The following PHF14 variants were observed in gnomAD, a reference collection of about 807,000 sequenced individuals.
PHF14 encodes PHD finger protein 14.
In PHF14, 55 loss-of-function variants were observed where a neutral mutation model predicts 117.9. That is an observed-to-expected ratio of 0.47 (90% CI 0.38 to 0.58). The LOEUF is 0.58. Ranked by LOEUF, PHF14 falls within the 20% of genes least tolerant of loss-of-function variation. The pLI, the probability that PHF14 is intolerant of heterozygous loss-of-function variation, is 0.00. For missense variants in PHF14, 978 were observed against 1,122.2 expected, an observed-to-expected ratio of 0.87 and a Z score of 1.84; for synonymous variants, 409 against 368.6, an observed-to-expected ratio of 1.11 and a Z score of -1.26.
chr7:11,033,700 C>G (rs1354074013), intron 7 of PHF14, among the ~76,000 whole-genome samples: 1 of 152,160 alleles, frequency 6.6e-6, no homozygotes, highest in Non-Finnish European at 1.5e-5. Context: ...CTTAACTCAC[C>G]TATGCAAGCA....
At chr7:11,125,735 T>C (rs1393619943) in intron 17 of PHF14, among the ~76,000 whole-genome samples, 3 of 152,108 alleles carry the variant, frequency 2.0e-5, no homozygotes, top group African/African-American at 7.2e-5. Flanking sequence ...TCTCTTTTTT[T>C]CCTCTGGACT....
intron 13 of PHF14, among the ~76,000 whole-genome samples, chr7:11,046,572 G>A (rs1784671353): frequency 6.6e-6 from 1 of 152,012 alleles, no homozygotes; most frequent in Non-Finnish European, 1.5e-5. Context: ...TTAACCGCTA[G>A]TAGGAATTCC....
chr7:10,974,135 CG>C lies in PHF14; in HGVS notation c.-182del, dbSNP rs1454875025. On this transcript the variant is annotated 5_prime_UTR_variant, in exon 1 of 18. Coordinates refer to ENST00000634607, the MANE Select transcript of PHF14 (RefSeq NM_001007157.2). ...TCGAGCGGCCAGGGCCAGGCGAGGC[CG>C]GGGGGGCGGGGGGTTAGGGGACCGC... 1.2e-4 allele frequency: 66 copies of C among 571,728 alleles called. 1 individual carries two copies. Among genetic ancestry groups the C allele is most frequent in the South Asian group, 9.9e-4 (51 of 51,472 alleles). 35.4% of individuals were successfully genotyped at this position (571,728 alleles called of 1,614,324 possible).
chr7:11,020,835 T>G (rs2128318199), intron 5 of PHF14, among the ~76,000 whole-genome samples: 1 of 152,332 alleles, frequency 6.6e-6, no homozygotes, highest in South Asian at 2.1e-4. Context: ...TTTTAGGCTT[T>G]TTTTTCCTTG....
At chr7:11,134,818 G>A (rs985834328) in intron 17 of PHF14, among the ~76,000 whole-genome samples, 7 of 152,046 alleles carry the variant, frequency 4.6e-5, no homozygotes, top group Non-Finnish European at 1.0e-4. Context: ...AAAAAAACAT[G>A]AGTAAACTCA....
chr7:11,139,339 A>C (rs997205501), intron 17 of PHF14, among the ~76,000 whole-genome samples: 1 of 152,122 alleles, frequency 6.6e-6, no homozygotes, highest in African/African-American at 2.4e-5. Flanking sequence ...TTGTATTCTC[A>C]CCTGTTTCTT....
In PHF14 at chr7:11,085,891, T is replaced by TA. The variant is rs200053748; in HGVS notation, c.2654+23816dup. Among the ~76,000 whole-genome samples the TA allele has an allele frequency of 8.7e-3, 1,301 of 149,272 alleles. 13 individuals are homozygous for TA. The highest frequency in any genetic ancestry group is 0.03 in the African/African-American group (1,225 of 40,814). ...TTATCAGTAGCAAAACATAATAGTT[T>TA]AAAAAAAAAACTGTGGTTAAATGCT... On this transcript the variant is annotated intron_variant, in intron 16 of 17. Coordinates refer to ENST00000634607, the MANE Select transcript of PHF14 (RefSeq NM_001007157.2).
chr7:11,045,865 A>G (rs1260019570), intron 13 of PHF14, among the ~76,000 whole-genome samples: 1 of 152,210 alleles, frequency 6.6e-6, no homozygotes, highest in Non-Finnish European at 1.5e-5. Flanking sequence ...GTAACAACTT[A>G]CTGTGGAAAA....
Position 11,122,382 on chromosome 7 carries a change from C to T in PHF14, c.2772+10915C>T, listed in dbSNP as rs1344099065. Among the ~76,000 whole-genome samples, 1,072 of 120,924 alleles carry T rather than the reference C, an allele frequency of 8.9e-3. 31 individuals are homozygous for T. Among genetic ancestry groups the T allele is most frequent in the African/African-American group, 0.034 (1,014 of 30,052 alleles). 79.3% of individuals were successfully genotyped at this position (120,924 alleles called of 152,430 possible). A position where few individuals can be genotyped will look rare whatever the true frequency, so the allele number is the denominator to read the frequency against. ...ACACACACACACACACACACACACA[C>T]ACATACATACACACACATATATATA... On this transcript the variant is annotated intron_variant, in intron 17 of 17. Coordinates refer to ENST00000634607, the MANE Select transcript of PHF14 (RefSeq NM_001007157.2).
At chr7:11,002,343 G>C (rs1362386946) in intron 4 of PHF14, among the ~76,000 whole-genome samples, 2 of 152,108 alleles carry the variant, frequency 1.3e-5, no homozygotes. Flanking sequence ...AGGTCAAGGG[G>C]GGAGCCAGAG....
At chr7:11,169,275 T>G in intron 17 of PHF14, 141 bp from the exon 18 acceptor site, 1 of 465,078 alleles carries the variant, frequency 2.2e-6, no homozygotes, top group Non-Finnish European at 3.9e-6. Flanking sequence ...ATTTAAATGT[T>G]ACATAATTTT....
chr7:11,014,879 A>G (rs1254406954), intron 5 of PHF14: 1 of 148,720 alleles, frequency 6.7e-6, no homozygotes, highest in Non-Finnish European at 1.5e-5. Context: ...CGGTGTTGCC[A>G]TCTTCCATGT....
At chr7:11,162,024 A>G (rs553635046) in intron 17 of PHF14, among the ~76,000 whole-genome samples, 24 of 144,898 alleles carry the variant, frequency 1.7e-4, no homozygotes, top group African/African-American at 5.9e-4. Context: ...AAGGCTGTTT[A>G]CAGTATTCTT....
chr7:11,013,301 C>T (rs912526861), intron 4 of PHF14, among the ~76,000 whole-genome samples: 1 of 151,938 alleles, frequency 6.6e-6, no homozygotes, highest in Non-Finnish European at 1.5e-5. Flanking sequence ...AGCTGGGATT[C>T]TGGGCGCCTG....
At chr7:11,088,256 T>A (rs906789497) in intron 16 of PHF14, among the ~76,000 whole-genome samples, 2 of 152,194 alleles carry the variant, frequency 1.3e-5, no homozygotes, top group African/African-American at 4.8e-5. Context: ...ATTTTTTTTA[T>A]TGTTGTATTG....
intron 17 of PHF14, among the ~76,000 whole-genome samples, chr7:11,151,837 T>C (rs1175389052): frequency 6.6e-6 from 1 of 152,156 alleles, no homozygotes; most frequent in Non-Finnish European, 1.5e-5. Flanking sequence ...ACTATATGAG[T>C]GTATTTTAAG....
intron 17 of PHF14, among the ~76,000 whole-genome samples, chr7:11,136,051 CATT>C (rs1377592028): frequency 9.2e-5 from 14 of 152,044 alleles, no homozygotes; most frequent in Admixed American, 8.5e-4. Flanking sequence ...ACATAAGTAA[CATT>C]GTTGAAAATA....
In PHF14 at chr7:11,035,704, A is replaced by G; in HGVS notation, c.1520A>G (p.Lys507Arg). 8 of 1,611,046 alleles carry G rather than the reference A, an allele frequency of 5.0e-6. No individual in the cohort carries two copies. Among genetic ancestry groups the G allele is most frequent in the Non-Finnish European group, 6.8e-6 (8 of 1,177,462 alleles). ...QHADRLDRKW[K>R]RKNYLALQSY... Reference sequence around the variant, plus strand: ...GCAGATAGGTTAGACAGAAAGTGGAAGAGAAAAAACTACTTGGCTCTACAG... The same window carrying G: ...GCAGATAGGTTAGACAGAAAGTGGAGGAGAAAAAACTACTTGGCTCTACAG... Residue 507 changes from lysine to arginine, a missense_variant, in exon 8 of 18, where the codon AAG (lysine) becomes AGG (arginine). Transcript: ENST00000634607.
intron 4 of PHF14, among the ~76,000 whole-genome samples, chr7:10,991,613 C>T (rs1454194693): frequency 6.6e-6 from 1 of 151,850 alleles, no homozygotes; most frequent in Non-Finnish European, 1.5e-5. Flanking sequence ...CCTGGTCCCC[C>T]AGTCATCTTA....
Sources: allele counts gnomAD v4.1 joint callset (sites outside exome capture counted in the v4.1 genomes callset), GRCh38; gene constraint gnomAD v4.1.1; transcripts MANE v1.5; gene names NCBI Gene and HGNC (gene_info 2026-07-23, HGNC 2026-07-21).